NTM: variants seen among roughly 807,000 people sequenced by gnomAD.
NTM encodes neurotrimin.
A neutral mutation model predicts 42.1 loss-of-function variants in NTM; 13 were observed. The ratio of observed to expected loss-of-function variants is 0.31; its 90% confidence interval spans 0.20 to 0.49. NTM has a LOEUF of 0.49. Among genes scored for constraint, NTM ranks in the 20% least tolerant of loss-of-function variants. The pLI, the probability that NTM is intolerant of heterozygous loss-of-function variation, is 0.99. For missense variants in NTM, 373 were observed against 452.8 expected (o/e 0.82, Z 1.60); for synonymous variants, 187 against 179.2 (o/e 1.04, Z -0.35).
rs150513306 is a variant in NTM at position 132,265,298 on chromosome 11, C to T, written c.527-42391C>T. On this transcript the variant is annotated intron_variant, in intron 4 of 8. Transcript: ENST00000683400. ...AAATAAAAACTGGAACAGCTTCTGG[C>T]ATGGTTGAAAGGAGATGGTTTTGTA... 1.5e-4 allele frequency among the ~76,000 whole-genome samples: 23 copies of T among 152,290 alleles called. No homozygotes were observed. The East Asian group carries it at 4.4e-3, about 29-fold the overall frequency.
chr11:131,880,343 T>A (rs190008612), intron 1 of NTM, among the ~76,000 whole-genome samples: 15 of 152,318 alleles, frequency 9.8e-5, no homozygotes, highest in African/African-American at 3.6e-4. Context: ...TAATGCTGAA[T>A]TATAGGCTAG....
chr11:132,237,305 G>C lies in NTM; in HGVS notation c.526+25158G>C, dbSNP rs562669255. Among the ~76,000 whole-genome samples, 5 of 152,168 alleles carry C rather than the reference G, an allele frequency of 3.3e-5. No individual in the cohort carries two copies. The East Asian group carries it at 9.7e-4, about 30-fold the overall frequency. ...AAGACAAGGTGGACTTACGCTCTCG[G>C]CTCCACGAGGGCCTTTCCAGTGCCC... On this transcript the variant is annotated intron_variant, in intron 4 of 8. Transcript: ENST00000683400.
chr11:131,418,081 C>T (rs957839507), intron 1 of NTM, among the ~76,000 whole-genome samples: 1 of 152,184 alleles, frequency 6.6e-6, no homozygotes, highest in African/African-American at 2.4e-5. Context: ...GAAGGAACTC[C>T]TGGGCTTGCC....
intron 3 of NTM, among the ~76,000 whole-genome samples, chr11:132,194,150 A>T (rs1024815586): frequency 1.1e-5 from 1 of 89,634 alleles, no homozygotes; most frequent in African/African-American, 4.5e-5. Context: ...AAACAAACAA[A>T]CAACAACAAC....
At chr11:132,306,883 A>T (rs2095104824) in intron 4 of NTM, among the ~76,000 whole-genome samples, 1 of 152,160 alleles carries the variant, frequency 6.6e-6, no homozygotes. Context: ...TCTTTCAATA[A>T]CTGAGTGCTC....
At chr11:132,209,458 A>C (rs1235299461) in intron 3 of NTM, among the ~76,000 whole-genome samples, 1 of 152,226 alleles carries the variant, frequency 6.6e-6, no homozygotes, top group East Asian at 1.9e-4. Context: ...GCCTATCTGA[A>C]GCTCAATGAG....
At chr11:131,983,845 C>G (rs183539152) in intron 2 of NTM, among the ~76,000 whole-genome samples, 1 of 152,328 alleles carries the variant, frequency 6.6e-6, no homozygotes, top group Non-Finnish European at 1.5e-5. Context: ...GCTCTGCCAT[C>G]TTGAACACAT....
chr11:132,164,665 CTTG>C (rs902997693), intron 3 of NTM, among the ~76,000 whole-genome samples: 4 of 152,066 alleles, frequency 2.6e-5, no homozygotes, highest in African/African-American at 7.2e-5. Flanking sequence ...GTCCTTCTAA[CTTG>C]TTGTCACAAA....
chr11:131,524,818 C>A (rs143173811), intron 1 of NTM, among the ~76,000 whole-genome samples: 6 of 152,302 alleles, frequency 3.9e-5, no homozygotes, highest in Non-Finnish European at 1.5e-5. Flanking sequence ...CGGCCGGGAC[C>A]AGCCCCACAG....
At chr11:132,273,681 C>G (rs2093597838) in intron 4 of NTM, among the ~76,000 whole-genome samples, 2 of 151,976 alleles carry the variant, frequency 1.3e-5, no homozygotes, top group Non-Finnish European at 2.9e-5. Flanking sequence ...CCGAGGTGGG[C>G]ATATCACATG....
chr11:132,147,024 A>G (rs1464611696), intron 3 of NTM: 1 of 156,002 alleles, frequency 6.4e-6, no homozygotes, highest in Non-Finnish European at 1.4e-5. Flanking sequence ...TTTCCAGCTC[A>G]CTTGCGCCTC....
chr11:131,421,843 CT>C (rs1177068829), intron 1 of NTM, among the ~76,000 whole-genome samples: 1 of 152,202 alleles, frequency 6.6e-6, no homozygotes, highest in African/African-American at 2.4e-5. Flanking sequence ...GAGGATTTTC[CT>C]TTTCCTCGTA....
intron 1 of NTM, among the ~76,000 whole-genome samples, chr11:131,464,389 G>GC (rs1001496450): frequency 4.6e-5 from 7 of 151,988 alleles, no homozygotes; most frequent in African/African-American, 1.7e-4. Flanking sequence ...GGGAAAGGGG[G>GC]CCCCGTCATA....
intron 2 of NTM, among the ~76,000 whole-genome samples, chr11:132,049,570 C>T (rs947680780): frequency 1.3e-5 from 2 of 152,162 alleles, no homozygotes; most frequent in South Asian, 2.1e-4. Flanking sequence ...GAGGTGAGCG[C>T]CCTTGGCTGT....
rs1415731742 is a variant in NTM, at chr11:132,275,292, ACTAT to A, written c.527-32394_527-32391del. On this transcript the variant is annotated intron_variant, in intron 4 of 8. Transcript: ENST00000683400. ...TCATCCTAGAACGTGTATTGAAGGG[ACTAT>A]CTTTTTAACACTGAATTATATTGGT... Among the ~76,000 whole-genome samples, 10 of 152,014 alleles carry A rather than the reference ACTAT, an allele frequency of 6.6e-5. 1 individual carries two copies. In the East Asian group the frequency reaches 1.2e-3, roughly 18 times the overall value.
At chr11:132,129,373 G>A (rs1339814590) in intron 2 of NTM, among the ~76,000 whole-genome samples, 1 of 152,194 alleles carries the variant, frequency 6.6e-6, no homozygotes, top group Non-Finnish European at 1.5e-5. Context: ...ACTATCCTCA[G>A]TAAGGTAACA....
At chr11:132,312,944 T>C (rs964237060) in intron 6 of NTM, among the ~76,000 whole-genome samples, 3 of 152,072 alleles carry the variant, frequency 2.0e-5, no homozygotes, top group Non-Finnish European at 4.4e-5. Context: ...GCCCCTAGCG[T>C]TTGGAGAGGA....
intron 2 of NTM, among the ~76,000 whole-genome samples, chr11:132,098,009 A>G (rs1041885982): frequency 6.6e-6 from 1 of 152,232 alleles, no homozygotes; most frequent in East Asian, 1.9e-4. Flanking sequence ...GATTCGTGGC[A>G]AGTATTTTGC....
chr11:132,000,387 C>T (rs916258555), intron 2 of NTM, among the ~76,000 whole-genome samples: 2 of 152,202 alleles, frequency 1.3e-5, no homozygotes, highest in Non-Finnish European at 2.9e-5. Flanking sequence ...TTTTGCTACT[C>T]CTTCTTTCAT....
Sources: gnomAD v4.1 joint callset for allele counts (sites outside exome capture counted in the v4.1 genomes callset) on GRCh38, gnomAD v4.1.1 for gene constraint, MANE v1.5 for transcripts, NCBI Gene and HGNC (gene_info 2026-07-23, HGNC 2026-07-21) for gene names.